Variants in DCDC1 observed in about 807,000 individuals in gnomAD.
DCDC1 encodes doublecortin domain containing 1.
DCDC1 carries 200 observed loss-of-function variants against 178.3 expected under a neutral mutation model. The ratio of observed to expected loss-of-function variants is 1.12; its 90% CI spans 1.00 to 1.26. The LOEUF (loss-of-function observed/expected upper bound fraction) is 1.26. DCDC1 is among the 50% of genes most tolerant of loss of function. DCDC1 has a pLI of 0.00. For synonymous variants in DCDC1, 690 were observed against 604.8 expected (o/e 1.14, Z -2.07); for missense variants, 1,983 against 1,749.2 (o/e 1.13, Z -2.38).
intron 11 of DCDC1, among the ~76,000 whole-genome samples, chr11:31,126,457 T>C (rs1015873463): frequency 6.6e-6 from 1 of 152,140 alleles, no homozygotes; most frequent in African/African-American, 2.4e-5. Flanking sequence ...CATTTTTACA[T>C]TGTAATGTTC....
chr11:30,903,373 C>G (rs1944836928), intron 32 of DCDC1, 109 bp downstream of exon 32: 3 of 1,114,974 alleles, frequency 2.7e-6, no homozygotes, highest in Non-Finnish European at 3.6e-6. Context: ...AAAGTAGCTT[C>G]CTATGATTTT....
chr11:31,196,321 C>T (rs1970690765), intron 9 of DCDC1, among the ~76,000 whole-genome samples: 1 of 151,992 alleles, frequency 6.6e-6, no homozygotes, highest in African/African-American at 2.4e-5. Context: ...GGGTGTCCTA[C>T]AATTTATTTC....
intron 36 of DCDC1, among the ~76,000 whole-genome samples, chr11:30,891,481 AC>A (rs970926939): frequency 1.3e-5 from 2 of 152,098 alleles, no homozygotes; most frequent in African/African-American, 2.4e-5. Context: ...TCTCAGCTCT[AC>A]CCTTTACCCA....
At chr11:31,246,272 A>G (rs1387202245) in intron 8 of DCDC1, among the ~76,000 whole-genome samples, 1 of 152,028 alleles carries the variant, frequency 6.6e-6, no homozygotes, top group Non-Finnish European at 1.5e-5. Flanking sequence ...TTCACATTTC[A>G]GTCAGAGTAC....
chr11:31,205,658 C>T (rs7939617), intron 9 of DCDC1, among the ~76,000 whole-genome samples: 3,137 of 152,220 alleles, frequency 0.021, 97 homozygotes, highest in African/African-American at 0.07. Flanking sequence ...AATTTATCCT[C>T]GTAAAGTTAT....
chr11:30,957,331 C>G (rs1948828104), intron 20 of DCDC1, among the ~76,000 whole-genome samples: 1 of 152,142 alleles, frequency 6.6e-6, no homozygotes, highest in African/African-American at 2.4e-5. Flanking sequence ...TTAAAAGGCT[C>G]ATCTCCTTTT....
At chr11:31,025,785 A>G (rs1431262422) in intron 20 of DCDC1, among the ~76,000 whole-genome samples, 3 of 151,830 alleles carry the variant, frequency 2.0e-5, no homozygotes, top group East Asian at 1.9e-4. Context: ...ATAATCTCCC[A>G]TATCTACACA....
intron 8 of DCDC1, among the ~76,000 whole-genome samples, chr11:31,242,889 T>C (rs1404921994): frequency 6.6e-6 from 1 of 151,872 alleles, no homozygotes; most frequent in Non-Finnish European, 1.5e-5. Flanking sequence ...GTCTAATACG[T>C]TCAACACTAA....
intron 18 of DCDC1, among the ~76,000 whole-genome samples, chr11:31,074,819 A>T (rs1014498209): frequency 6.6e-6 from 1 of 152,180 alleles, no homozygotes; most frequent in East Asian, 1.9e-4. Context: ...GACAAAGCCT[A>T]TATTACCATG....
At chr11:31,037,596 G>A (rs1265812265) in intron 20 of DCDC1, among the ~76,000 whole-genome samples, 3 of 151,494 alleles carry the variant, frequency 2.0e-5, no homozygotes, top group Non-Finnish European at 4.4e-5. Flanking sequence ...CTAATTTTTT[G>A]TATTTTTACA....
At chr11:30,986,226 GA>G (rs910790520) in intron 20 of DCDC1, among the ~76,000 whole-genome samples, 35 of 140,890 alleles carry the variant, frequency 2.5e-4, no homozygotes, top group African/African-American at 7.6e-4. Flanking sequence ...CAGACAGCAA[GA>G]AAAAAAAAAG....
At chr11:31,261,380 G>A (rs1482888763) in intron 8 of DCDC1, among the ~76,000 whole-genome samples, 2 of 152,106 alleles carry the variant, frequency 1.3e-5, no homozygotes, top group African/African-American at 2.4e-5. Flanking sequence ...TTTGGTGGGC[G>A]TGATTTTGCA....
At chr11:31,021,466 A>G (rs1234762459) in intron 20 of DCDC1, among the ~76,000 whole-genome samples, 1 of 152,224 alleles carries the variant, frequency 6.6e-6, no homozygotes, top group Non-Finnish European at 1.5e-5. Flanking sequence ...AGTGAAAAAA[A>G]GTGAGGTACA....
chr11:31,225,199 T>C (rs760558008), intron 9 of DCDC1, among the ~76,000 whole-genome samples: 1 of 152,142 alleles, frequency 6.6e-6, no homozygotes. Context: ...AATGAAATAA[T>C]GGCCTTTGCA....
At chr11:30,967,478 T>G (rs1394040223) in intron 20 of DCDC1, among the ~76,000 whole-genome samples, 1 of 152,178 alleles carries the variant, frequency 6.6e-6, no homozygotes, top group Non-Finnish European at 1.5e-5. Context: ...ACAAAATCAA[T>G]GTACAAAAAT....
chr11:31,129,070 G>A (rs760676574), intron 10 of DCDC1, among the ~76,000 whole-genome samples: 19 of 152,024 alleles, frequency 1.2e-4, no homozygotes, highest in Middle Eastern at 3.4e-3. Context: ...TATTTGCCCC[G>A]CCTATATTCT....
chr11:30,998,765 T>C (rs1951411242), intron 20 of DCDC1, among the ~76,000 whole-genome samples: 1 of 152,144 alleles, frequency 6.6e-6, no homozygotes, highest in Admixed American at 6.5e-5. Context: ...TTAATGGTCC[T>C]CCCTCTAGGA....
chr11:30,920,891 G>C lies in DCDC1; in HGVS notation c.3178C>G (p.Leu1060Val). ...ATTGCTACAGGTTTATGCACAGCAAGCTTGCTTCCAGATACAATGTCACTT... is the reference window on the plus strand; with the variant it reads ...ATTGCTACAGGTTTATGCACAGCAACCTTGCTTCCAGATACAATGTCACTT... ...VQSDIVSGSKLAVHKPVAIFG... is the reference protein window; with the variant it reads ...VQSDIVSGSKVAVHKPVAIFG... The change falls in exon 25 of 39, where the codon CTT becomes GTT. Residue 1060 changes from leucine to valine, a missense_variant. Coordinates refer to ENST00000684477, the MANE Select transcript of DCDC1 (RefSeq NM_001387274.1). 1 of 1,613,024 alleles carries C rather than the reference G, an allele frequency of 6.2e-7. No individual in the cohort carries two copies. The highest frequency in any genetic ancestry group is 8.5e-7 in the Non-Finnish European group (1 of 1,179,420).
chr11:31,004,711 T>G (rs1951749879), intron 20 of DCDC1, among the ~76,000 whole-genome samples: 1 of 149,298 alleles, frequency 6.7e-6, no homozygotes, highest in South Asian at 2.1e-4. Flanking sequence ...AAAATACAGT[T>G]AAGGTCAGAC....
Sources: gnomAD v4.1 joint callset for allele counts (sites outside exome capture counted in the v4.1 genomes callset) on GRCh38, gnomAD v4.1.1 for gene constraint, MANE v1.5 for transcripts, NCBI Gene and HGNC (gene_info 2026-07-23, HGNC 2026-07-21) for gene names.